The following HEBP1 variants were observed in gnomAD, a reference collection of about 807,000 sequenced individuals.
The protein encoded by HEBP1 is heme-binding protein 1.
A neutral mutation model predicts 20.4 loss-of-function variants in HEBP1; 13 were observed. That is an observed-to-expected ratio of 0.64 (90% CI 0.42 to 1.01). The LOEUF is 1.01. HEBP1 is among the 50% of genes least tolerant of loss of function. The pLI is 0.00. For missense variants in HEBP1, 241 were observed against 247.3 expected, an observed-to-expected ratio of 0.97 and a Z score of 0.17; for synonymous variants, 92 against 90.7, an observed-to-expected ratio of 1.01 and a Z score of -0.08.
chr12:13,000,225 G>GGCGGCAGC lies in HEBP1; in HGVS notation c.-112_-111insGCTGCCGC. The stretch of plus-strand genomic sequence containing the variant: ...GGGCGGCAGGGCGGCAGGGCGGCAG[G>GGCGGCAGC]GCGGCAGGGTGGCAGGGCGGCAAGG... On this transcript the variant is annotated 5_prime_UTR_variant, in exon 1 of 4. Transcript: ENST00000014930. 5.0e-6 allele frequency: 2 copies of GGCGGCAGC among 401,130 alleles called. No individual in the cohort carries two copies. Among genetic ancestry groups the GGCGGCAGC allele is most frequent in the South Asian group, 1.2e-4 (2 of 16,218 alleles). The allele number at this position is 401,130 out of a possible 1,614,324, so 24.8% of individuals were successfully genotyped here. A position where few individuals can be genotyped will look rare whatever the true frequency, so the allele number is the denominator to read the frequency against.
chr12:12,995,582 A>G (rs1163146968), intron 1 of HEBP1, among the ~76,000 whole-genome samples: 3 of 152,186 alleles, frequency 2.0e-5, no homozygotes, highest in African/African-American at 7.2e-5. Context: ...TTTTCATAGC[A>G]TCTGTATCCA....
At chr12:12,999,719 C>A (rs973043244) in intron 1 of HEBP1, among the ~76,000 whole-genome samples, 1 of 152,180 alleles carries the variant, frequency 6.6e-6, no homozygotes, top group Admixed American at 6.5e-5. Flanking sequence ...TCAAACTGTT[C>A]GGAATGTTTG....
rs759688928 is a variant in HEBP1 at position 12,975,338 on chromosome 12, C to T, written c.540G>A (p.Arg180=). Residue 180 remains arginine, a synonymous_variant, in exon 4 of 4, where the codon CGG becomes CGA. Transcript: ENST00000014930. The part of the protein sequence containing the change: ...GYDPPMKPYG[R]RNEIWLLKT ...TCTTCAACAGCCAGATCTCATTGCG[C>T]CGTCCGTAGGGCTTCATGGGAGGGT... The T allele has an allele frequency of 1.2e-6, 2 of 1,614,042 alleles. No individual in the cohort carries two copies. Among genetic ancestry groups the T allele is most frequent in the East Asian group, 2.2e-5 (1 of 44,846 alleles).
chr12:12,981,303 G>T, intron 3 of HEBP1, among the ~76,000 whole-genome samples: 1 of 152,190 alleles, frequency 6.6e-6, no homozygotes, highest in East Asian at 1.9e-4. Context: ...AGATACTTGA[G>T]GTGGTGATGC....
Position 12,989,363 on chromosome 12 carries a change from A to T in HEBP1, c.131T>A (p.Val44Glu). 6.2e-7 allele frequency: 1 copy of T among 1,614,180 alleles called. No individual in the cohort carries two copies. Among genetic ancestry groups the T allele is most frequent in the Non-Finnish European group, 8.5e-7 (1 of 1,180,000 alleles). The change falls in exon 2 of 4, where the codon GTA (valine) becomes GAA (glutamate). Residue 44 changes from valine to glutamate, a missense_variant. Physicochemically the swap from Val to Glu is moderately radical, Grantham distance 121. Transcript: ENST00000014930. ...RACEGGKFAT[V>E]EVTDKPVDEA... ...ATCCACAGGCTTATCTGTCACTTCT[A>T]CTGTGGCAAATTTGCCGCCTTCACA...
chr12:12,997,222 C>T (rs1375006206), intron 1 of HEBP1, among the ~76,000 whole-genome samples: 1 of 152,192 alleles, frequency 6.6e-6, no homozygotes, highest in Non-Finnish European at 1.5e-5. Flanking sequence ...GGGAGTTCTC[C>T]TTATCCCAGA....
chr12:12,984,683 T>G (rs1565492346), intron 3 of HEBP1: 1 of 152,238 alleles, frequency 6.6e-6, no homozygotes, highest in Non-Finnish European at 1.5e-5. Flanking sequence ...TACCAGCTAC[T>G]TGAGAGGCTG....
rs902331362 is a variant in HEBP1 at position 12,975,581 on chromosome 12, T to C, written c.399-102A>G. ...CTCACCATGTTTATTATGACAAGCA[T>C]GCTAGAGTGGTAAGACTGGGGACTG... On this transcript the variant is annotated intron_variant, in intron 3 of 3. Coordinates refer to ENST00000014930, the MANE Select transcript of HEBP1 (RefSeq NM_015987.5). 1.5e-5 allele frequency: 15 copies of C among 1,018,632 alleles called. No individual in the cohort carries two copies. In the Admixed American group the frequency reaches 3.9e-4, roughly 26 times the overall value. The allele number at this position is 1,018,632 out of a possible 1,614,324, so 63.1% of individuals were successfully genotyped here. A position where few individuals can be genotyped will look rare whatever the true frequency, so the allele number is the denominator to read the frequency against.
Position 12,989,273 on chromosome 12 carries a change from TC to T in HEBP1, c.217+3del, listed in dbSNP as rs771432932. 6.2e-7 allele frequency: 1 copy of T among 1,613,894 alleles called. No homozygotes were observed. Among genetic ancestry groups the T allele is most frequent in the Admixed American group, 1.7e-5 (1 of 60,036 alleles). On this transcript the variant is annotated splice_donor_region_variant and intron_variant, in intron 2 of 3. Transcript: ENST00000014930. ...CCAGAGCCACATCCTGCAGGGGTAC[TC>T]ACCCTTGTCATTGGTGCCCCCCGCA...
At chr12:12,999,656 A>G (rs949402544) in intron 1 of HEBP1, among the ~76,000 whole-genome samples, 14 of 152,252 alleles carry the variant, frequency 9.2e-5, no homozygotes, top group Non-Finnish European at 1.9e-4. Flanking sequence ...GTTCTCTAGT[A>G]CTTGGGAGTT....
rs765658836 is a variant in HEBP1 at position 13,000,141 on chromosome 12, C to T, written c.-27G>A. ...TTGTAGCCGAGACGCTCCCGACGCA[C>T]GGGAGGACGTGAGGTGGCGGGGGCG... On this transcript the variant is annotated 5_prime_UTR_variant, in exon 1 of 4. In the 5' UTR this introduces an upstream ATG that the reference lacks. Coordinates refer to ENST00000014930, the MANE Select transcript of HEBP1 (RefSeq NM_015987.5). 7 of 1,572,900 alleles carry T rather than the reference C, an allele frequency of 4.5e-6. No homozygotes were observed. The highest frequency in any genetic ancestry group is 3.5e-5 in the South Asian group (3 of 86,948).
intron 1 of HEBP1, among the ~76,000 whole-genome samples, chr12:12,989,681 G>C (rs1360569342): frequency 6.6e-6 from 1 of 152,114 alleles, no homozygotes; most frequent in African/African-American, 2.4e-5. Context: ...TACAAAAATG[G>C]AACATTCAGA....
At chr12:12,990,453 G>A (rs1220582763) in intron 1 of HEBP1, among the ~76,000 whole-genome samples, 2 of 151,874 alleles carry the variant, frequency 1.3e-5, no homozygotes, top group Non-Finnish European at 2.9e-5. Flanking sequence ...TGGCATTATA[G>A]GCATGAGCCA....
At chr12:12,999,956 C>T (rs983445027) in intron 1 of HEBP1, 81 bp downstream of exon 1, 2 of 948,832 alleles carry the variant, frequency 2.1e-6, no homozygotes. Flanking sequence ...CCACCTGCCC[C>T]TCAGCACCCG....
intron 3 of HEBP1, chr12:12,983,717 CCACATTTGGCACTTT>C (rs1266636415): frequency 2.2e-6 from 1 of 455,934 alleles, no homozygotes; most frequent in Non-Finnish European, 4.4e-6. Context: ...AGGCTAGACA[CCACATTTGGCACTTT>C]CAGCTGTTTA....
intron 1 of HEBP1, among the ~76,000 whole-genome samples, chr12:12,997,467 GA>G (rs774982874): frequency 2.8e-4 from 43 of 152,192 alleles, no homozygotes; most frequent in Non-Finnish European, 4.6e-4. Context: ...TTACTGGGTA[GA>G]AGCTAGAATC....
chr12:12,975,468 C>T lies in HEBP1; in HGVS notation c.410G>A (p.Gly137Asp). 1 of 1,607,512 alleles carries T rather than the reference C, an allele frequency of 6.2e-7. No homozygotes were observed. The highest frequency in any genetic ancestry group is 8.5e-7 in the Non-Finnish European group (1 of 1,177,430). Residue 137 changes from glycine (G) to aspartate (D), a missense_variant, in exon 4 of 4, where the codon GGT (glycine) becomes GAT (aspartate). Coordinates refer to ENST00000014930, the MANE Select transcript of HEBP1 (RefSeq NM_015987.5). ...GITVYSMQFG[G>D]YAKEADYVAQ... ...TACGTAGTCTGCTTCCTTGGCATAA[C>T]CACCAAACTGCCTGGGGGTTCAAGA...
Position 13,000,219 on chromosome 12 carries a change from C to CGGCAGGGCGGCAGGGG in HEBP1, c.-106_-105insCCCCTGCCGCCCTGCC, listed in dbSNP as rs1864338436. The stretch of plus-strand genomic sequence containing the variant: ...GCGGCAGGGCGGCAGGGCGGCAGGG[C>CGGCAGGGCGGCAGGGG]GGCAGGGCGGCAGGGTGGCAGGGCG... On this transcript the variant is annotated 5_prime_UTR_variant, in exon 1 of 4. Transcript: ENST00000014930. 1 of 378,568 alleles carries CGGCAGGGCGGCAGGGG rather than the reference C, an allele frequency of 2.6e-6. No individual in the cohort carries two copies. 23.5% of individuals were successfully genotyped at this position (378,568 alleles called of 1,614,324 possible).
At position 12,983,366 on chromosome 12, in the gene HEBP1, C is replaced by T. The variant is rs75301359; in HGVS notation, c.398+3786G>A. 834 of 210,982 alleles carry T rather than the reference C, an allele frequency of 4.0e-3. 6 individuals are homozygous for T. Among genetic ancestry groups the T allele is most frequent in the African/African-American group, 0.018 (776 of 42,662 alleles). 13.1% of individuals were successfully genotyped at this position (210,982 alleles called of 1,614,324 possible). ...CAGCATTCTATTCATCTAAAAGCAC[C>T]GGTAATTAACGATGCTAATAAATGT... is the stretch of plus-strand genomic sequence containing the variant. On this transcript the variant is annotated intron_variant, in intron 3 of 3. Coordinates refer to ENST00000014930, the MANE Select transcript of HEBP1 (RefSeq NM_015987.5).
Sources: allele counts gnomAD v4.1 joint callset (sites outside exome capture counted in the v4.1 genomes callset), GRCh38; gene constraint gnomAD v4.1.1; transcripts MANE v1.5; gene names NCBI Gene and HGNC (gene_info 2026-07-23, HGNC 2026-07-21).